The following PTBP2 variants were observed in gnomAD, a reference collection of about 807,000 sequenced individuals.
The protein encoded by PTBP2 is polypyrimidine tract-binding protein 2.
Under a neutral mutation model 61.4 loss-of-function variants are expected in PTBP2, and 13 were observed. That is an observed-to-expected ratio of 0.21 (90% CI 0.14 to 0.34). PTBP2 has a LOEUF of 0.34. Among genes scored for constraint, PTBP2 ranks in the 10% least tolerant of loss-of-function variants. The pLI is 1.00. For missense variants in PTBP2, 405 were observed against 642.6 expected (o/e 0.63, Z 4.00); for synonymous variants, 215 against 218.5 (o/e 0.98, Z 0.14).
At chr1:96,722,073 T>A (rs1649650462) in intron 1 of PTBP2, among the ~76,000 whole-genome samples, 1 of 151,960 alleles carries the variant, frequency 6.6e-6, no homozygotes, top group African/African-American at 2.4e-5. Context: ...GAAAGCGGGC[T>A]TGGAGGCTGG....
chr1:96,733,848 G>T (rs1049238158), intron 2 of PTBP2, among the ~76,000 whole-genome samples: 1 of 152,146 alleles, frequency 6.6e-6, no homozygotes, highest in South Asian at 2.1e-4. Context: ...CCTACTCAGC[G>T]TGAAGACAGT....
intron 8 of PTBP2, among the ~76,000 whole-genome samples, chr1:96,791,322 T>A (rs904381847): frequency 6.6e-6 from 1 of 152,200 alleles, no homozygotes; most frequent in Non-Finnish European, 1.5e-5. Context: ...GTGATGCCTG[T>A]GTTCTTTACT....
chr1:96,735,102 G>C (rs1237534779), intron 2 of PTBP2, among the ~76,000 whole-genome samples: 1 of 151,750 alleles, frequency 6.6e-6, no homozygotes, highest in East Asian at 1.9e-4. Context: ...GTTTTTAGTA[G>C]GGATGGGGTT....
chr1:96,817,595 C>T (rs1218884026), downstream of PTBP2: 2 of 152,018 alleles, frequency 1.3e-5, no homozygotes, highest in African/African-American at 4.8e-5. Flanking sequence ...GCACTTCACT[C>T]AACTATATCA....
intron 8 of PTBP2, among the ~76,000 whole-genome samples, chr1:96,799,194 A>C (rs1324327181): frequency 6.6e-6 from 1 of 152,098 alleles, no homozygotes; most frequent in Non-Finnish European, 1.5e-5. Flanking sequence ...ATTTCACATG[A>C]AAAAGATTCC....
intron 8 of PTBP2, among the ~76,000 whole-genome samples, chr1:96,794,370 CAAAG>C (rs747355698): frequency 5.9e-5 from 9 of 152,074 alleles, no homozygotes; most frequent in Non-Finnish European, 1.2e-4. Context: ...ATGGCTAAAA[CAAAG>C]AAAATACTTC....
intron 3 of PTBP2, among the ~76,000 whole-genome samples, chr1:96,764,115 A>G (rs1413717975): frequency 6.6e-6 from 1 of 152,358 alleles, no homozygotes; most frequent in East Asian, 1.9e-4. Context: ...ATCTGTCTCA[A>G]CAGCCTTTCC....
chr1:96,734,020 G>GGC (rs1451916070), intron 2 of PTBP2, among the ~76,000 whole-genome samples: 3 of 152,022 alleles, frequency 2.0e-5, no homozygotes, highest in African/African-American at 7.2e-5. Context: ...TTTAGTTCTA[G>GGC]GCATACTACA....
intron 8 of PTBP2, among the ~76,000 whole-genome samples, chr1:96,789,623 A>G (rs1659573817): frequency 6.6e-6 from 1 of 152,266 alleles, no homozygotes; most frequent in East Asian, 1.9e-4. Context: ...ACATAAAATT[A>G]ACTGGAAAAC....
At chr1:96,779,515 A>T (rs1280924181) in intron 7 of PTBP2, among the ~76,000 whole-genome samples, 1 of 152,086 alleles carries the variant, frequency 6.6e-6, no homozygotes, top group African/African-American at 2.4e-5. Context: ...ATCTCATAAA[A>T]GTACCTCAAT....
At position 96,793,273 on chromosome 1, in the gene PTBP2, A is replaced by G. The variant is rs192794126; in HGVS notation, c.904+8019A>G. On this transcript the variant is annotated intron_variant, in intron 8 of 13. Transcript: ENST00000674951. ...TCTGCTTTGCTATAGCTGAATTTTT[A>G]AAATGTTAATTTTGAAGTCTTAAAA... Among the ~76,000 whole-genome samples, 898 of 152,350 alleles carry G rather than the reference A, an allele frequency of 5.9e-3. 10 individuals are homozygous for G. The highest frequency in any genetic ancestry group is 0.038 in the South Asian group (184 of 4,828).
intron 2 of PTBP2, among the ~76,000 whole-genome samples, chr1:96,739,904 C>T (rs1000809120): frequency 6.6e-6 from 1 of 151,768 alleles, no homozygotes; most frequent in African/African-American, 2.4e-5. Flanking sequence ...GATTACAGGC[C>T]TGAGCCACCG....
At chr1:96,811,856 A>T (rs936272369) in intron 11 of PTBP2, among the ~76,000 whole-genome samples, 1 of 152,226 alleles carries the variant, frequency 6.6e-6, no homozygotes. Flanking sequence ...GCATCAGACC[A>T]GTTCATTTAG....
chr1:96,729,778 C>A (rs1195808572), intron 2 of PTBP2, among the ~76,000 whole-genome samples: 3 of 148,544 alleles, frequency 2.0e-5, no homozygotes, highest in Non-Finnish European at 4.4e-5. Context: ...GCTCTGTCGC[C>A]CGGGCTGGAG....
intron 2 of PTBP2, among the ~76,000 whole-genome samples, chr1:96,744,728 T>C (rs891623939): frequency 6.6e-6 from 1 of 152,340 alleles, no homozygotes; most frequent in South Asian, 2.1e-4. Flanking sequence ...TTTGTGTACA[T>C]TGTTTATAAA....
Position 96,734,911 on chromosome 1 carries a change from T to C in PTBP2, c.39+11317T>C, listed in dbSNP as rs1169716279. On this transcript the variant is annotated intron_variant, in intron 2 of 13. Transcript: ENST00000674951. ...TTGTCTCCTTTTTTTTTCTTTTTTT[T>C]TTTTTTTTTTTCCTGCTTTTTGAGA... is the stretch of plus-strand genomic sequence containing the variant. Among the ~76,000 whole-genome samples, 420 of 150,022 alleles carry C rather than the reference T, an allele frequency of 2.8e-3. 2 individuals carry two copies. The highest frequency in any genetic ancestry group is 0.01 in the African/African-American group (411 of 41,026).
rs1279414934 is a variant in PTBP2, at chr1:96,747,629, CAT to C, written c.40-3794_40-3793del. ...GTAAGGCAAAGGCTGAAAAAACTAT[CAT>C]AACAAAATGCAGAATATGGTGGCAT... is the stretch of plus-strand genomic sequence containing the variant. On this transcript the variant is annotated intron_variant, in intron 2 of 13. Transcript: ENST00000674951. Among the ~76,000 whole-genome samples the C allele has an allele frequency of 3.3e-5, 5 of 152,174 alleles. No homozygotes were observed. The East Asian group carries it at 9.7e-4, about 29-fold the overall frequency.
At chr1:96,776,825 A>G (rs1283136230) in intron 5 of PTBP2, among the ~76,000 whole-genome samples, 2 of 151,546 alleles carry the variant, frequency 1.3e-5, no homozygotes, top group East Asian at 3.9e-4. Context: ...GTGTTTATTC[A>G]ATTTTATGGG....
intron 8 of PTBP2, among the ~76,000 whole-genome samples, chr1:96,802,211 G>GGA (rs371361869): frequency 0.011 from 598 of 53,918 alleles, 14 homozygotes; most frequent in African/African-American, 0.039. Context: ...ACTCCGTCTC[G>GGA]AAAAAAAAAA....
Sources: allele counts gnomAD v4.1 joint callset (sites outside exome capture counted in the v4.1 genomes callset), GRCh38; gene constraint gnomAD v4.1.1; transcripts MANE v1.5; gene names NCBI Gene and HGNC (gene_info 2026-07-23, HGNC 2026-07-21).